The following ATP6V1E1 variants were observed in gnomAD, a reference collection of about 807,000 sequenced individuals.
ATP6V1E1 encodes ATPase H+ transporting V1 subunit E1.
In ATP6V1E1, 21 loss-of-function variants were observed where a neutral mutation model predicts 35.2. The ratio of observed to expected loss-of-function variants is 0.60; its 90% CI spans 0.42 to 0.86. The LOEUF (loss-of-function observed/expected upper bound fraction) is 0.86, where lower values mean the gene tolerates loss of function less well. Ranked by LOEUF, ATP6V1E1 falls within the 40% of genes least tolerant of loss-of-function variation. ATP6V1E1 has a pLI of 0.00. For missense variants in ATP6V1E1, 183 were observed against 272.6 expected (o/e 0.67, Z 2.32); for synonymous variants, 83 against 87.8 (o/e 0.95, Z 0.30).
chr22:17,625,462 G>A (rs1013031852), intron 1 of ATP6V1E1, among the ~76,000 whole-genome samples: 1 of 125,246 alleles, frequency 8.0e-6, no homozygotes, highest in African/African-American at 2.5e-5. Context: ...TCTCCATGTT[G>A]GTCAGGCTGG....
chr22:17,592,796 A>G, intron 8 of ATP6V1E1, 60 bp from the exon 9 acceptor site: 1 of 1,136,104 alleles, frequency 8.8e-7, no homozygotes, highest in Non-Finnish European at 1.3e-6. Flanking sequence ...AGAGCGCTGC[A>G]CATCTTTTTT....
rs1199765077 is a variant in ATP6V1E1 at position 17,594,636 on chromosome 22, G to GAA, written c.531-21_531-20insTT. ...CCAGCTCTGCAAAAAAAAAAGCACA[G>GAA]GAAATAATCATTTTCAAAGACTTGA... On this transcript the variant is annotated intron_variant, in intron 7 of 8. Coordinates refer to ENST00000253413, the MANE Select transcript of ATP6V1E1 (RefSeq NM_001696.4). The GAA allele has an allele frequency of 6.6e-7, 1 of 1,522,318 alleles. No homozygotes were observed. Among genetic ancestry groups the GAA allele is most frequent in the East Asian group, 2.3e-5 (1 of 42,810 alleles). The allele number at this position is 1,522,318 out of a possible 1,614,324, so 94.3% of individuals were successfully genotyped here.
rs797010591 is a variant in ATP6V1E1 at position 17,628,008 on chromosome 22, G to A, written c.33+595C>T. On this transcript the variant is annotated intron_variant, in intron 1 of 8. Transcript: ENST00000253413. ...GTTTTTTTTTTTTCTTTTTCCAGAG[G>A]GAGTCTCGCCCTGTCGCCCATGCTG... Among the ~76,000 whole-genome samples the A allele has an allele frequency of 4.0e-4, 60 of 148,338 alleles. 1 individual carries two copies. Among genetic ancestry groups the A allele is most frequent in the African/African-American group, 1.4e-3 (58 of 40,636 alleles).
intron 4 of ATP6V1E1, among the ~76,000 whole-genome samples, chr22:17,607,309 C>G (rs957514640): frequency 3.9e-5 from 6 of 152,084 alleles, no homozygotes; most frequent in Non-Finnish European, 7.4e-5. Context: ...AGGCACCCCC[C>G]ACCAGGCCCA....
At chr22:17,617,706 A>G (rs12160074) in intron 2 of ATP6V1E1, among the ~76,000 whole-genome samples, 55,273 of 152,154 alleles carry the variant, frequency 0.36, 10,559 homozygotes, top group African/African-American at 0.46. Flanking sequence ...TAAGCAATGT[A>G]CAACTGGAAA....
At chr22:17,595,873 G>A (rs1281614422) in intron 7 of ATP6V1E1, among the ~76,000 whole-genome samples, 1 of 152,000 alleles carries the variant, frequency 6.6e-6, no homozygotes, top group Non-Finnish European at 1.5e-5. Flanking sequence ...GCTCACGCCT[G>A]TAATCCCAGC....
intron 7 of ATP6V1E1, among the ~76,000 whole-genome samples, chr22:17,596,184 T>C (rs1217847419): frequency 6.6e-6 from 1 of 152,076 alleles, no homozygotes; most frequent in African/African-American, 2.4e-5. Flanking sequence ...TTAGTGCTAA[T>C]ACGTCAATTT....
At chr22:17,598,614 G>A (rs543986708) in intron 6 of ATP6V1E1, among the ~76,000 whole-genome samples, 1 of 152,278 alleles carries the variant, frequency 6.6e-6, no homozygotes, top group South Asian at 2.1e-4. Flanking sequence ...GAAGCTGGGG[G>A]TAGGTAAGGA....
intron 1 of ATP6V1E1, among the ~76,000 whole-genome samples, chr22:17,625,415 C>A (rs573420812): frequency 6.6e-6 from 1 of 151,868 alleles, no homozygotes; most frequent in Admixed American, 6.6e-5. Flanking sequence ...TGCACCACCT[C>A]GCCCGGCTAA....
intron 5 of ATP6V1E1, chr22:17,600,583 A>G (rs988989191): frequency 6.5e-6 from 1 of 154,734 alleles, no homozygotes; most frequent in African/African-American, 2.4e-5. Flanking sequence ...TATCTATCCC[A>G]AACCAGATAA....
intron 4 of ATP6V1E1, among the ~76,000 whole-genome samples, chr22:17,604,607 C>G (rs2057776339): frequency 6.6e-6 from 1 of 151,356 alleles, no homozygotes; most frequent in South Asian, 2.1e-4. Flanking sequence ...GCAACCTCCG[C>G]CCCCTGGGTT....
At chr22:17,619,646 G>C (rs937210032) in intron 1 of ATP6V1E1, 120 bp from the exon 2 acceptor site, 1 of 826,456 alleles carries the variant, frequency 1.2e-6, no homozygotes, top group South Asian at 1.8e-5. Context: ...ACCACTCTGG[G>C]GGGCCAAGGA....
chr22:17,618,322 T>C (rs16980962), intron 2 of ATP6V1E1, among the ~76,000 whole-genome samples: 8,377 of 152,196 alleles, frequency 0.055, 326 homozygotes, highest in African/African-American at 0.1. Flanking sequence ...AAAGGAAAAT[T>C]TATTTTTTAA....
At chr22:17,613,601 A>C (rs1461908661) in intron 2 of ATP6V1E1, among the ~76,000 whole-genome samples, 4 of 149,078 alleles carry the variant, frequency 2.7e-5, no homozygotes, top group Non-Finnish European at 6.1e-5. Flanking sequence ...TCATGAAAAA[A>C]ATTACCACAC....
In ATP6V1E1 at chr22:17,628,679, G is replaced by T. The variant is rs370905181; in HGVS notation, c.-44C>A. ...CCGGTGAACAGTAGGCTCGAGTTTA[G>T]GTTTGAAAGGTGAGGTGAGAGAAAT... is the stretch of plus-strand genomic sequence containing the variant. On this transcript the variant is annotated 5_prime_UTR_variant, in exon 1 of 9. Transcript: ENST00000253413. 3 of 1,613,388 alleles carry T rather than the reference G, an allele frequency of 1.9e-6. No homozygotes were observed. Among genetic ancestry groups the T allele is most frequent in the Non-Finnish European group, 2.5e-6 (3 of 1,179,424 alleles).
chr22:17,598,741 T>C (rs996450102), intron 6 of ATP6V1E1, among the ~76,000 whole-genome samples: 1 of 152,154 alleles, frequency 6.6e-6, no homozygotes, highest in Non-Finnish European at 1.5e-5. Flanking sequence ...ATAAGGATGG[T>C]TCTTATCAAA....
chr22:17,616,551 C>G (rs546112512), intron 2 of ATP6V1E1, among the ~76,000 whole-genome samples: 91 of 151,226 alleles, frequency 6.0e-4, no homozygotes, highest in African/African-American at 2.0e-3. Flanking sequence ...TGATGGCATG[C>G]GCCTGTAGTC....
At position 17,592,566 on chromosome 22, in the gene ATP6V1E1, T is replaced by C; in HGVS notation, c.*108A>G. On this transcript the variant is annotated 3_prime_UTR_variant, in exon 9 of 9. Transcript: ENST00000253413. ...GGCATCGCTGATAAATACAGAGCAA[T>C]ACTGGGGCAGTGAAGAGGAAGCTAC... 1 of 1,151,164 alleles carries C rather than the reference T, an allele frequency of 8.7e-7. No individual in the cohort carries two copies. The highest frequency in any genetic ancestry group is 1.3e-6 in the Non-Finnish European group (1 of 765,252). 71.3% of individuals were successfully genotyped at this position (1,151,164 alleles called of 1,614,324 possible). A position where few individuals can be genotyped will look rare whatever the true frequency, so the allele number is the denominator to read the frequency against.
intron 1 of ATP6V1E1, among the ~76,000 whole-genome samples, chr22:17,627,853 G>A (rs1282241627): frequency 6.7e-6 from 1 of 148,402 alleles, no homozygotes; most frequent in Non-Finnish European, 1.5e-5. Context: ...AAAAAACACA[G>A]TTCATAAAGT....
Sources: gnomAD v4.1 joint callset for allele counts (sites outside exome capture counted in the v4.1 genomes callset) on GRCh38, gnomAD v4.1.1 for gene constraint, MANE v1.5 for transcripts, NCBI Gene and HGNC (gene_info 2026-07-23, HGNC 2026-07-21) for gene names.